Variants in MORC3 observed in about 807,000 individuals in gnomAD.
The protein encoded by MORC3 is MORC family CW-type zinc finger protein 3.
Under a neutral mutation model 109.1 loss-of-function variants are expected in MORC3, and 31 were observed. The ratio of observed to expected loss-of-function variants is 0.28; its 90% CI spans 0.21 to 0.38. The LOEUF (loss-of-function observed/expected upper bound fraction) is 0.38, where lower values mean the gene tolerates loss of function less well. Ranked by LOEUF, MORC3 falls within the 10% of genes least tolerant of loss-of-function variation. MORC3 has a pLI of 1.00. For synonymous variants in MORC3, 395 were observed against 380.7 expected (o/e 1.04, Z -0.44); for missense variants, 867 against 1,135.8 (o/e 0.76, Z 3.40).
chr21:36,320,272 C>T lies in MORC3; in HGVS notation c.8C>T (p.Ala3Val). 3 of 1,579,156 alleles carry T rather than the reference C, an allele frequency of 1.9e-6. No homozygotes were observed. The highest frequency in any genetic ancestry group is 2.4e-5 in the East Asian group (1 of 41,888). MA[A>V]QPPRGIRLSA... is the part of the protein sequence containing the mutation. The stretch of plus-strand genomic sequence containing the variant: ...CTTTGTAGCTCGCTCAAGATGGCGG[C>T]GCAGCCACCCCGCGGGATACGCCTC... Residue 3 changes from alanine to valine, a missense_variant, in exon 1 of 17, where the codon GCG (alanine) becomes GTG (valine). Coordinates refer to ENST00000400485, the MANE Select transcript of MORC3 (RefSeq NM_015358.3).
intron 14 of MORC3, among the ~76,000 whole-genome samples, chr21:36,366,149 A>G (rs186657427): frequency 7.0e-4 from 107 of 152,186 alleles, no homozygotes; most frequent in African/African-American, 2.3e-3. Flanking sequence ...TGAGCATAGT[A>G]CCCAATATGT....
intron 2 of MORC3, among the ~76,000 whole-genome samples, chr21:36,334,770 C>T (rs1160436405): frequency 2.0e-5 from 3 of 152,136 alleles, no homozygotes; most frequent in Non-Finnish European, 4.4e-5. Context: ...TTTCAATGAA[C>T]GTGAGAAAGC....
Position 36,344,763 on chromosome 21 carries a change from C to T in MORC3, c.885+56C>T, listed in dbSNP as rs190819314. 90 of 1,597,464 alleles carry T rather than the reference C, an allele frequency of 5.6e-5. No homozygotes were observed. In the African/African-American group the frequency reaches 9.0e-4, roughly 16 times the overall value. On this transcript the variant is annotated intron_variant, in intron 7 of 16. Coordinates refer to ENST00000400485, the MANE Select transcript of MORC3 (RefSeq NM_015358.3). ...TGTTAGTCAGGTGTATTCTCTTTTG[C>T]CCCTTTCCCCTTATATGCTGATAGG...
intron 7 of MORC3, 55 bp downstream of exon 7, chr21:36,344,762 G>A: frequency 6.2e-7 from 1 of 1,600,972 alleles, no homozygotes; most frequent in Non-Finnish European, 8.5e-7. Context: ...ATTCTCTTTT[G>A]CCCCTTTCCC....
chr21:36,355,532 A>G (rs1165425674), intron 9 of MORC3, among the ~76,000 whole-genome samples: 1 of 152,206 alleles, frequency 6.6e-6, no homozygotes, highest in Non-Finnish European at 1.5e-5. Flanking sequence ...ACATTTGCAC[A>G]AAGCAGTAGG....
intron 14 of MORC3, among the ~76,000 whole-genome samples, chr21:36,364,578 A>AGAGGCG (rs1417853060): frequency 1.2e-4 from 18 of 151,124 alleles, no homozygotes; most frequent in African/African-American, 3.1e-4. Flanking sequence ...CAGCTACTCC[A>AGAGGCG]GAGGCGGAGG....
intron 1 of MORC3, among the ~76,000 whole-genome samples, chr21:36,327,074 C>G (rs1404116844): frequency 6.6e-6 from 1 of 151,640 alleles, no homozygotes; most frequent in South Asian, 2.1e-4. Flanking sequence ...CTCAGCCTCC[C>G]AAAGTGCGGG....
chr21:36,353,117 A>C (rs534870890), intron 9 of MORC3, among the ~76,000 whole-genome samples: 1 of 148,396 alleles, frequency 6.7e-6, no homozygotes, highest in African/African-American at 2.5e-5. Context: ...CCAGCACTTT[A>C]GGAGGCCGAG....
intron 9 of MORC3, among the ~76,000 whole-genome samples, chr21:36,353,006 G>A (rs1044706149): frequency 3.3e-5 from 5 of 151,118 alleles, no homozygotes; most frequent in African/African-American, 1.2e-4. Context: ...CTATTAACAT[G>A]TATTTCATAT....
At chr21:36,357,345 TA>T (rs2085656423) in intron 10 of MORC3, among the ~76,000 whole-genome samples, 1 of 152,172 alleles carries the variant, frequency 6.6e-6, no homozygotes, top group Non-Finnish European at 1.5e-5. Context: ...ATTACAAAGA[TA>T]ACCAAGATAT....
chr21:36,368,208 A>G (rs559131231), intron 14 of MORC3, among the ~76,000 whole-genome samples: 8 of 152,238 alleles, frequency 5.3e-5, no homozygotes, highest in Non-Finnish European at 1.0e-4. Flanking sequence ...AATTGGGGCA[A>G]TTTTAATTCA....
At chr21:36,342,355 A>G (rs1054004382) in intron 6 of MORC3, among the ~76,000 whole-genome samples, 2 of 152,080 alleles carry the variant, frequency 1.3e-5, no homozygotes, top group African/African-American at 2.4e-5. Flanking sequence ...TTTGTGATAA[A>G]TGCCTCTAGG....
chr21:36,331,001 T>C (rs80206370), intron 1 of MORC3, among the ~76,000 whole-genome samples: 2 of 152,214 alleles, frequency 1.3e-5, no homozygotes, highest in Non-Finnish European at 2.9e-5. Flanking sequence ...ACAGTCTTCT[T>C]CAGGATACTG....
At chr21:36,347,012 A>C (rs980912828) in intron 8 of MORC3, among the ~76,000 whole-genome samples, 1 of 150,930 alleles carries the variant, frequency 6.6e-6, no homozygotes, top group African/African-American at 2.5e-5. Context: ...TCTCTTAAAA[A>C]AAAAAAAAAA....
At chr21:36,339,501 C>CAAAAAAAAAAAAAAAAA (rs55863855) in intron 5 of MORC3, 21 of 101,404 alleles carry the variant, frequency 2.1e-4, no homozygotes, top group African/African-American at 2.7e-4. Flanking sequence ...CCCGTCTTCT[C>CAAAAAAAAAAAAAAAAA]AAAAAAAAAA....
chr21:36,369,550 C>G lies in MORC3; in HGVS notation c.2182C>G (p.Gln728Glu). The G allele has an allele frequency of 6.2e-7, 1 of 1,614,146 alleles. No homozygotes were observed. The highest frequency in any genetic ancestry group is 8.5e-7 in the Non-Finnish European group (1 of 1,180,024). The part of the protein sequence containing the change: ...HMFTDQIKVL[Q>E]QRILEMNDKY... ...GTTTACTGATCAAATCAAAGTGTTA[C>G]AACAGAGGATACTAGAAATGAATGA... The change falls in exon 15 of 17, where the codon CAA becomes GAA. Residue 728 changes from glutamine to glutamate, a missense_variant. Coordinates refer to ENST00000400485, the MANE Select transcript of MORC3 (RefSeq NM_015358.3).
chr21:36,364,272 G>A lies in MORC3; in HGVS notation c.1619+13G>A. The A allele has an allele frequency of 6.2e-7, 1 of 1,610,766 alleles. No homozygotes were observed. Reference sequence around the variant, plus strand: ...CTGAGAGCAACAGGTCAGTGGCTAAGATTGGTTTTCCATTTGGGGAATATT... The same window carrying A: ...CTGAGAGCAACAGGTCAGTGGCTAAAATTGGTTTTCCATTTGGGGAATATT... On this transcript the variant is annotated intron_variant, in intron 14 of 16. Transcript: ENST00000400485.
At chr21:36,345,126 G>T (rs912814960) in intron 8 of MORC3, 95 bp downstream of exon 8, 12 of 1,285,378 alleles carry the variant, frequency 9.3e-6, no homozygotes, top group African/African-American at 9.2e-5. Context: ...TAATTTTATT[G>T]TACCTTTTGC....
chr21:36,349,254 A>G (rs1241497625), intron 8 of MORC3, 57 bp from the exon 9 acceptor site: 4 of 1,103,268 alleles, frequency 3.6e-6, no homozygotes, highest in East Asian at 2.4e-5. Context: ...TTTAAGGGTA[A>G]TTATTTTGAG....
Sources: gnomAD v4.1 joint callset for allele counts (sites outside exome capture counted in the v4.1 genomes callset) on GRCh38, gnomAD v4.1.1 for gene constraint, MANE v1.5 for transcripts, NCBI Gene and HGNC (gene_info 2026-07-23, HGNC 2026-07-21) for gene names.